The following CDC14B variants were observed in gnomAD, a reference collection of about 807,000 sequenced individuals.
CDC14B encodes cell division cycle 14B, also known as dual specificity protein phosphatase CDC14B.
A neutral mutation model predicts 64.2 loss-of-function variants in CDC14B; 22 were observed. The observed-to-expected ratio is 0.34, with a 90% confidence interval of 0.24 to 0.49. CDC14B has a LOEUF of 0.49. Among genes scored for constraint, CDC14B ranks in the 20% least tolerant of loss-of-function variants. The pLI, the probability that CDC14B is intolerant of heterozygous loss-of-function variation, is 0.99. For synonymous variants in CDC14B, 191 were observed against 215.8 expected (o/e 0.89, Z 1.01); for missense variants, 498 against 629.9 (o/e 0.79, Z 2.24).
chr9:96,524,727 C>A (rs977442713), intron 9 of CDC14B, among the ~76,000 whole-genome samples: 2 of 152,168 alleles, frequency 1.3e-5, no homozygotes, highest in Admixed American at 1.3e-4. Context: ...CAAGAGACTG[C>A]CTTTGGCTTT....
chr9:96,603,887 G>GT (rs1231593814), intron 1 of CDC14B, among the ~76,000 whole-genome samples: 1 of 152,228 alleles, frequency 6.6e-6, no homozygotes, highest in African/African-American at 2.4e-5. Flanking sequence ...CTAGCTTCGT[G>GT]TAAGCATGTG....
At position 96,595,894 on chromosome 9, in the gene CDC14B, C is replaced by T. The variant is rs117602247; in HGVS notation, c.160+23325G>A. Among the ~76,000 whole-genome samples, 762 of 152,112 alleles carry T rather than the reference C, an allele frequency of 5.0e-3. 8 individuals are homozygous for T. The highest frequency in any genetic ancestry group is 4.8e-3 in the Non-Finnish European group (323 of 67,998). On this transcript the variant is annotated intron_variant, in intron 1 of 13. Coordinates refer to ENST00000375241, the MANE Select transcript of CDC14B (RefSeq NM_033331.4). The stretch of plus-strand genomic sequence containing the variant: ...TAAAATCAGATCATGGTAACAGGTA[C>T]ACAACTCTACAAATACTCCATTTAT...
rs568230603 is a variant in CDC14B, at chr9:96,507,144, A to T, written c.1460+2529T>A. Among the ~76,000 whole-genome samples the T allele has an allele frequency of 1.6e-4, 25 of 152,168 alleles. 1 individual carries two copies. The South Asian group carries it at 4.8e-3, about 29-fold the overall frequency. On this transcript the variant is annotated intron_variant, in intron 13 of 13. Coordinates refer to ENST00000375241, the MANE Select transcript of CDC14B (RefSeq NM_033331.4). Reference sequence around the variant, plus strand: ...CCCCGTCTCTACTAAAAATACAAAAATTAGCCAGGTGTGGTGGCACATGCC... The same window carrying T: ...CCCCGTCTCTACTAAAAATACAAAATTTAGCCAGGTGTGGTGGCACATGCC...
chr9:96,596,382 A>C (rs1210501253), intron 1 of CDC14B, among the ~76,000 whole-genome samples: 1 of 147,864 alleles, frequency 6.8e-6, no homozygotes, highest in Admixed American at 6.8e-5. Context: ...AAAAAAAAAC[A>C]CACAAAAAGA....
At chr9:96,568,539 C>T (rs1242985875) in intron 1 of CDC14B, among the ~76,000 whole-genome samples, 2 of 152,158 alleles carry the variant, frequency 1.3e-5, no homozygotes, top group Admixed American at 6.5e-5. Flanking sequence ...CACTCACATC[C>T]GTCACCTGTG....
chr9:96,580,318 G>A (rs1211027192), intron 1 of CDC14B, among the ~76,000 whole-genome samples: 5 of 150,442 alleles, frequency 3.3e-5, no homozygotes, highest in African/African-American at 4.9e-5. Context: ...CGCAACCTCC[G>A]CCTCCCAGGT....
intron 1 of CDC14B, among the ~76,000 whole-genome samples, chr9:96,597,531 A>T (rs548839942): frequency 1.3e-5 from 2 of 151,948 alleles, no homozygotes; most frequent in South Asian, 4.2e-4. Flanking sequence ...GAAGAGAAAC[A>T]TCTTTAAAGT....
At chr9:96,578,166 T>C (rs553601899) in intron 1 of CDC14B, among the ~76,000 whole-genome samples, 7 of 152,326 alleles carry the variant, frequency 4.6e-5, no homozygotes, top group African/African-American at 1.4e-4. Context: ...ACAACGTAAG[T>C]ATATAATATT....
At chr9:96,562,535 A>G in intron 4 of CDC14B, 158 bp downstream of exon 4, 1 of 623,822 alleles carries the variant, frequency 1.6e-6, no homozygotes. Flanking sequence ...CTTCCACATA[A>G]GCACAGCTTC....
Position 96,515,652 on chromosome 9 carries a change from A to G in CDC14B, c.1344-5863T>C. On this transcript the variant is annotated intron_variant, in intron 12 of 13. Coordinates refer to ENST00000375241, the MANE Select transcript of CDC14B (RefSeq NM_033331.4). This position sits in a 1 kb window ranked among gnomAD's most constrained non-coding sequence, Gnocchi z 4.3. ...AGAAACAGAACGGGACACTTACAGCAGCTATCTGTCAGGGGGTCCTGATGG... is the reference window on the plus strand; with the variant it reads ...AGAAACAGAACGGGACACTTACAGCGGCTATCTGTCAGGGGGTCCTGATGG... 6.4e-7 allele frequency: 1 copy of G among 1,569,524 alleles called. No homozygotes were observed. Among genetic ancestry groups the G allele is most frequent in the Non-Finnish European group, 8.6e-7 (1 of 1,157,686 alleles).
intron 1 of CDC14B, among the ~76,000 whole-genome samples, chr9:96,567,957 T>A (rs1285021255): frequency 1.3e-5 from 2 of 152,164 alleles, no homozygotes; most frequent in Non-Finnish European, 2.9e-5. Flanking sequence ...CTTGTACCCA[T>A]AAAAACATTA....
intron 1 of CDC14B, among the ~76,000 whole-genome samples, chr9:96,609,259 CCA>C (rs1216598146): frequency 4.6e-5 from 7 of 152,136 alleles, no homozygotes; most frequent in Non-Finnish European, 1.0e-4. Flanking sequence ...GCCACTGCGC[CCA>C]GACCAAATTA....
intron 1 of CDC14B, among the ~76,000 whole-genome samples, chr9:96,568,436 G>A (rs1215512412): frequency 1.3e-5 from 2 of 152,166 alleles, no homozygotes; most frequent in African/African-American, 4.8e-5. Context: ...TAACAGAAAT[G>A]CAAAGTTCCA....
downstream of CDC14B, among the ~76,000 whole-genome samples, chr9:96,499,112 CAG>C (rs1400628696): frequency 1.3e-5 from 2 of 152,210 alleles, no homozygotes; most frequent in African/African-American, 2.4e-5. Flanking sequence ...CTAGTGGCCT[CAG>C]GGGAAGCCAT....
intron 5 of CDC14B, among the ~76,000 whole-genome samples, chr9:96,548,815 AGAG>A (rs1841373426): frequency 6.6e-6 from 1 of 151,642 alleles, no homozygotes; most frequent in East Asian, 1.9e-4. Flanking sequence ...AAAAAAAAAA[AGAG>A]AGAGAGAGAA....
Position 96,619,291 on chromosome 9 carries a change from T to C in CDC14B, c.88A>G (p.Lys30Glu), listed in dbSNP as rs776189144. Reference sequence around the variant, plus strand: ...TCTTGCTGCGTGGAGCTGCGGATCTTCTTCACACCCGGCGAGGTCGACGAG... The same window carrying C: ...TCTTGCTGCGTGGAGCTGCGGATCTCCTTCACACCCGGCGAGGTCGACGAG... ...RCSSTSPGVK[K>E]IRSSTQQDPR... The change falls in exon 1 of 14, where the codon AAG (lysine) becomes GAG (glutamate). Residue 30 changes from lysine (K) to glutamate (E), a missense_variant. Coordinates refer to ENST00000375241, the MANE Select transcript of CDC14B (RefSeq NM_033331.4). 6.0e-6 allele frequency: 8 copies of C among 1,340,952 alleles called. No homozygotes were observed. The African/African-American group carries it at 1.2e-4, about 20-fold the overall frequency. The allele number at this position is 1,340,952 out of a possible 1,614,324, so 83.1% of individuals were successfully genotyped here.
chr9:96,502,150 CT>C lies in CDC14B; in HGVS notation c.*1602del, dbSNP rs1360185646. On this transcript the variant is annotated 3_prime_UTR_variant, in exon 14 of 14. Transcript: ENST00000375241. ...CCAGGGACAGAAAACCACTGTTTTT[CT>C]GTGATCCAGTCCCCAGTGTTTAAAA... is the stretch of plus-strand genomic sequence containing the variant. 1.3e-5 allele frequency: 2 copies of C among 152,188 alleles called. No homozygotes were observed. The highest frequency in any genetic ancestry group is 2.4e-5 in the African/African-American group (1 of 41,442). 9.4% of individuals were successfully genotyped at this position (152,188 alleles called of 1,614,324 possible). A position where few individuals can be genotyped will look rare whatever the true frequency, so the allele number is the denominator to read the frequency against.
intron 3 of CDC14B, among the ~76,000 whole-genome samples, chr9:96,563,567 T>C (rs980962403): frequency 4.6e-5 from 7 of 150,706 alleles, no homozygotes; most frequent in Non-Finnish European, 8.8e-5. Context: ...GGAGAATCAC[T>C]TGAACCAGGG....
intron 8 of CDC14B, 41 bp from the exon 9 acceptor site, chr9:96,534,198 G>A: frequency 8.2e-7 from 1 of 1,222,164 alleles, no homozygotes; most frequent in Non-Finnish European, 1.2e-6. Context: ...AACACATAAA[G>A]AAAACAATGG....
Sources: allele counts gnomAD v4.1 joint callset (sites outside exome capture counted in the v4.1 genomes callset), GRCh38; gene constraint gnomAD v4.1.1; non-coding constraint Gnocchi (gnomAD v3.1); transcripts MANE v1.5; gene names NCBI Gene and HGNC (gene_info 2026-07-23, HGNC 2026-07-21).